Variants in HDAC9 observed in about 807,000 individuals in gnomAD.
HDAC9 encodes histone deacetylase 9, also known as MEF-2 interacting transcription repressor (MITR) protein.
HDAC9 carries 41 observed loss-of-function variants against 139.4 expected under a neutral mutation model. The observed-to-expected ratio is 0.29, with a 90% CI of 0.23 to 0.38. The LOEUF is 0.38. HDAC9 is among the 10% of genes least tolerant of loss of function. The probability of loss-of-function intolerance (pLI) is 1.00; values close to 1 mark genes in which losing one functional copy is unlikely to be tolerated. For synonymous variants in HDAC9, 517 were observed against 476.2 expected (o/e 1.09, Z -1.12); for missense variants, 1,147 against 1,297.0 (o/e 0.88, Z 1.78).
chr7:18,479,472 G>A (rs921907632), intron 1 of HDAC9, among the ~76,000 whole-genome samples: 1 of 152,038 alleles, frequency 6.6e-6, no homozygotes, highest in African/African-American at 2.4e-5. Flanking sequence ...ATTGTCGTTG[G>A]TCTATTCTGT....
At chr7:18,170,094 T>C (rs1313569060) in intron 2 of HDAC9, among the ~76,000 whole-genome samples, 3 of 152,214 alleles carry the variant, frequency 2.0e-5, no homozygotes, top group African/African-American at 7.2e-5. Context: ...AAAGTGTTCC[T>C]ATTTCTCCAC....
intron 1 of HDAC9, among the ~76,000 whole-genome samples, chr7:18,357,611 T>A (rs1783424355): frequency 6.6e-6 from 1 of 151,070 alleles, no homozygotes; most frequent in South Asian, 2.1e-4. Context: ...AAAAAAAAGG[T>A]CAGTAAGTAT....
chr7:18,100,746 T>C (rs1225759398), intron 1 of HDAC9, among the ~76,000 whole-genome samples: 4 of 152,134 alleles, frequency 2.6e-5, no homozygotes, highest in African/African-American at 9.6e-5. Flanking sequence ...ATAGACTTTT[T>C]ATCCTTGCTA....
intron 1 of HDAC9, among the ~76,000 whole-genome samples, chr7:18,144,147 T>C (rs1057259985): frequency 6.6e-6 from 1 of 152,136 alleles, no homozygotes; most frequent in Non-Finnish European, 1.5e-5. Flanking sequence ...CATTTTCTGA[T>C]TATGAATAAT....
intron 7 of HDAC9, among the ~76,000 whole-genome samples, chr7:18,630,127 C>T (rs540532015): frequency 6.6e-6 from 1 of 152,080 alleles, no homozygotes; most frequent in East Asian, 1.9e-4. Flanking sequence ...CCCCTAGTTC[C>T]AGTTGTACCT....
At chr7:18,440,609 T>TGAAC (rs1791668514) in intron 1 of HDAC9, among the ~76,000 whole-genome samples, 1 of 152,212 alleles carries the variant, frequency 6.6e-6, no homozygotes, top group Non-Finnish European at 1.5e-5. Flanking sequence ...TCTCTGTTCT[T>TGAAC]GTTTCCCTTT....
intron 1 of HDAC9, among the ~76,000 whole-genome samples, chr7:18,313,944 A>G (rs1224730151): frequency 6.6e-6 from 1 of 152,170 alleles, no homozygotes; most frequent in Non-Finnish European, 1.5e-5. Context: ...AGGGATCTAC[A>G]TTGGTTAAGT....
In HDAC9 at chr7:18,539,990, G is replaced by A. The variant is rs193223725; in HGVS notation, c.22+43666G>A. Among the ~76,000 whole-genome samples, 660 of 151,632 alleles carry A rather than the reference G, an allele frequency of 4.4e-3. 2 individuals are homozygous for A. The highest frequency in any genetic ancestry group is 7.4e-3 in the Non-Finnish European group (502 of 67,942). On this transcript the variant is annotated intron_variant, in intron 2 of 25. Coordinates refer to ENST00000686413, the MANE Select transcript of HDAC9 (RefSeq NM_178425.4). ...GGGAAAATGTTGGCCGGGCACGGTG[G>A]CTCATGTCTGTAATCCCAGCACCTT...
intron 1 of HDAC9, among the ~76,000 whole-genome samples, chr7:18,461,171 C>T (rs1793815056): frequency 6.6e-6 from 1 of 151,986 alleles, no homozygotes; most frequent in South Asian, 2.1e-4. Flanking sequence ...GCAGACTTTT[C>T]AGTCAGAAAA....
intron 25 of HDAC9, among the ~76,000 whole-genome samples, chr7:18,988,317 TGTACCCAGTA>T (rs974579869): frequency 1.3e-5 from 2 of 152,130 alleles, no homozygotes; most frequent in Admixed American, 1.3e-4. Flanking sequence ...CATTTCGTTA[TGTACCCAGTA>T]GTCATTCAGG....
At position 18,698,452 on chromosome 7, in the gene HDAC9, C is replaced by G. The variant is rs371613087; in HGVS notation, c.1732-29128C>G. Among the ~76,000 whole-genome samples, 87 of 152,288 alleles carry G rather than the reference C, an allele frequency of 5.7e-4. 1 individual carries two copies. The East Asian group carries it at 0.014, about 24-fold the overall frequency. ...ATCTAATACAAATAGCCCTGGGGAG[C>G]TTCAGCGACACAATCATAAAAGCTA... On this transcript the variant is annotated intron_variant, in intron 12 of 25. Coordinates refer to ENST00000686413, the MANE Select transcript of HDAC9 (RefSeq NM_178425.4).
chr7:18,732,647 GTATATATACACACACA>G (rs1562891830), intron 13 of HDAC9, among the ~76,000 whole-genome samples: 9 of 81,896 alleles, frequency 1.1e-4, no homozygotes, highest in African/African-American at 5.4e-4. Context: ...GTGCATATGT[GTATATATACACACACA>G]CGTGTATATG....
chr7:18,249,002 C>A (rs1370288144), intron 2 of HDAC9, among the ~76,000 whole-genome samples: 1 of 152,114 alleles, frequency 6.6e-6, no homozygotes, highest in Non-Finnish European at 1.5e-5. Context: ...ACTTTTCTGG[C>A]TTTTTAAGTC....
intron 1 of HDAC9, among the ~76,000 whole-genome samples, chr7:18,389,638 G>A (rs557004267): frequency 1.0e-3 from 154 of 152,302 alleles, no homozygotes; most frequent in African/African-American, 3.2e-3. Flanking sequence ...TGGCTGGCTT[G>A]TGGTCTCTGC....
chr7:18,482,057 C>T (rs1282311741), intron 1 of HDAC9, among the ~76,000 whole-genome samples: 2 of 152,252 alleles, frequency 1.3e-5, no homozygotes, highest in African/African-American at 4.8e-5. Context: ...CCTATCGCCA[C>T]ATCATATATG....
chr7:18,101,961 C>G (rs1008435793), intron 1 of HDAC9, among the ~76,000 whole-genome samples: 1 of 152,138 alleles, frequency 6.6e-6, no homozygotes, highest in Admixed American at 6.5e-5. Flanking sequence ...TAAATTGGAT[C>G]ACTTATGGAT....
intron 17 of HDAC9, among the ~76,000 whole-genome samples, chr7:18,813,312 A>G (rs879360389): frequency 6.6e-6 from 1 of 152,116 alleles, no homozygotes; most frequent in Admixed American, 6.6e-5. Flanking sequence ...AAGTTATTCA[A>G]TTATTTAAAG....
At chr7:18,544,092 A>C (rs1159182647) in intron 2 of HDAC9, among the ~76,000 whole-genome samples, 2 of 152,212 alleles carry the variant, frequency 1.3e-5, no homozygotes, top group African/African-American at 4.8e-5. Flanking sequence ...CTGCTCTGTA[A>C]GAAGGGATTG....
intron 17 of HDAC9, among the ~76,000 whole-genome samples, chr7:18,827,085 T>A (rs2129204315): frequency 1.3e-5 from 2 of 149,658 alleles, no homozygotes; most frequent in East Asian, 2.0e-4. Context: ...AGACCTCGTC[T>A]CAAAAAAAAA....
Sources: gnomAD v4.1 joint callset for allele counts (sites outside exome capture counted in the v4.1 genomes callset) on GRCh38, gnomAD v4.1.1 for gene constraint, MANE v1.5 for transcripts, NCBI Gene and HGNC (gene_info 2026-07-23, HGNC 2026-07-21) for gene names.